CCDC73: variants seen among roughly 807,000 people sequenced by gnomAD.
CCDC73 encodes coiled-coil domain containing 73.
A neutral mutation model predicts 116.5 loss-of-function variants in CCDC73; 95 were observed. That is an observed-to-expected ratio of 0.82 (90% CI 0.69 to 0.97). CCDC73 has a LOEUF of 0.97. Ranked by LOEUF, CCDC73 falls within the 50% of genes least tolerant of loss-of-function variation. CCDC73 has a pLI of 0.00. For missense variants in CCDC73, 1,066 were observed against 1,206.8 expected, an observed-to-expected ratio of 0.88 and a Z score of 1.73; for synonymous variants, 398 against 401.3, an observed-to-expected ratio of 0.99 and a Z score of 0.10.
intron 2 of CCDC73, among the ~76,000 whole-genome samples, chr11:32,718,849 T>C (rs1325402867): frequency 6.6e-6 from 1 of 152,104 alleles, no homozygotes; most frequent in Non-Finnish European, 1.5e-5. Flanking sequence ...AGTTCTTTCA[T>C]TGTGGGAGGG....
chr11:32,722,555 G>A (rs906833098), intron 2 of CCDC73, among the ~76,000 whole-genome samples: 2 of 152,098 alleles, frequency 1.3e-5, no homozygotes, highest in African/African-American at 4.8e-5. Flanking sequence ...ACATAAATGA[G>A]GAGAGATTAC....
intron 9 of CCDC73, among the ~76,000 whole-genome samples, chr11:32,672,339 C>T (rs528814325): frequency 4.0e-5 from 6 of 151,404 alleles, no homozygotes; most frequent in East Asian, 1.9e-4. Flanking sequence ...AAGACTCTGT[C>T]GAAAGAAAAA....
chr11:32,640,160 G>A (rs941086957), intron 13 of CCDC73, among the ~76,000 whole-genome samples: 22 of 152,140 alleles, frequency 1.4e-4, no homozygotes, highest in East Asian at 7.7e-4. Flanking sequence ...AACTCTTATC[G>A]AACCAAGGCA....
At chr11:32,784,883 A>ATT (rs1434633534) in intron 1 of CCDC73, among the ~76,000 whole-genome samples, 3 of 152,194 alleles carry the variant, frequency 2.0e-5, no homozygotes, top group Admixed American at 6.5e-5. Flanking sequence ...ATAATGATAG[A>ATT]ACAGAACAGG....
At chr11:32,821,145 T>C in the CCDC73 span, among the ~76,000 whole-genome samples, 1 of 152,228 alleles carries the variant, frequency 6.6e-6, no homozygotes, top group African/African-American at 2.4e-5. Context: ...GGAGAAGATA[T>C]TATCCACACA....
At chr11:32,791,457 C>T (rs1261616483) in intron 1 of CCDC73, among the ~76,000 whole-genome samples, 1 of 152,186 alleles carries the variant, frequency 6.6e-6, no homozygotes, top group Non-Finnish European at 1.5e-5. Context: ...TTGTTGGAGC[C>T]TGTTTAACTT....
chr11:32,644,555 A>C (rs1401087910), intron 12 of CCDC73, among the ~76,000 whole-genome samples: 1 of 152,236 alleles, frequency 6.6e-6, no homozygotes, highest in Non-Finnish European at 1.5e-5. Flanking sequence ...GTATATTCAC[A>C]ATGTTGTACA....
chr11:32,779,597 G>A (rs4756244), intron 1 of CCDC73, among the ~76,000 whole-genome samples: 87,435 of 151,900 alleles, frequency 0.58, 25,476 homozygotes, highest in East Asian at 0.84. Flanking sequence ...ACCAAGAAAA[G>A]GAGAGTTTGT....
chr11:32,800,448 T>C, the CCDC73 span, among the ~76,000 whole-genome samples: 2 of 152,246 alleles, frequency 1.3e-5, no homozygotes, highest in East Asian at 1.9e-4. Flanking sequence ...TTATTCTTAT[T>C]ATAAAATTGA....
intron 2 of CCDC73, among the ~76,000 whole-genome samples, chr11:32,744,436 G>A (rs1301340844): frequency 2.6e-5 from 4 of 152,066 alleles, no homozygotes; most frequent in Non-Finnish European, 4.4e-5. Context: ...ATGATTTAGG[G>A]AGGATTCCTT....
upstream of CCDC73, among the ~76,000 whole-genome samples, chr11:32,797,510 G>A (rs1850735193): frequency 6.6e-6 from 1 of 152,062 alleles, no homozygotes; most frequent in African/African-American, 2.4e-5. Context: ...TCCCCTCTTT[G>A]AAATTTCATC....
intron 3 of CCDC73, among the ~76,000 whole-genome samples, chr11:32,714,205 T>A (rs1849924909): frequency 6.6e-6 from 1 of 152,082 alleles, no homozygotes; most frequent in Non-Finnish European, 1.5e-5. Context: ...GCACACTGTA[T>A]CTGACACTCT....
At chr11:32,622,982 A>ATTTTT (rs1276454244) in intron 14 of CCDC73, among the ~76,000 whole-genome samples, 2 of 149,482 alleles carry the variant, frequency 1.3e-5, no homozygotes, top group Non-Finnish European at 3.0e-5. Flanking sequence ...TGTAATGTCC[A>ATTTTT]TTTTATTTTA....
chr11:32,611,109 G>C, intron 17 of CCDC73, 23 bp downstream of exon 17: 4 of 1,612,256 alleles, frequency 2.5e-6, no homozygotes, highest in Non-Finnish European at 3.4e-6. Flanking sequence ...AGGTCTGCTC[G>C]GCAATATTTT....
chr11:32,648,356 A>G (rs1381930071), intron 12 of CCDC73, among the ~76,000 whole-genome samples: 1 of 152,132 alleles, frequency 6.6e-6, no homozygotes, highest in Admixed American at 6.5e-5. Flanking sequence ...AGTTTCAAAA[A>G]TATGTAATGT....
intron 1 of CCDC73, among the ~76,000 whole-genome samples, chr11:32,764,592 C>T (rs1218569784): frequency 6.6e-6 from 1 of 152,130 alleles, no homozygotes; most frequent in Admixed American, 6.6e-5. Flanking sequence ...CAGGCCTGCC[C>T]TACAAAAGCT....
intron 3 of CCDC73, among the ~76,000 whole-genome samples, chr11:32,715,916 T>C (rs1211071725): frequency 2.0e-5 from 3 of 152,080 alleles, no homozygotes; most frequent in Non-Finnish European, 2.9e-5. Context: ...TGTTGCCACA[T>C]TCACAATCCT....
intron 4 of CCDC73, among the ~76,000 whole-genome samples, chr11:32,701,513 C>A (rs535251719): frequency 6.6e-6 from 1 of 152,068 alleles, no homozygotes; most frequent in African/African-American, 2.4e-5. Context: ...CCAGCCTGGG[C>A]AATGTAGTAA....
intron 12 of CCDC73, among the ~76,000 whole-genome samples, chr11:32,648,919 T>TTAGGATA (rs1196604089): frequency 6.6e-6 from 1 of 152,142 alleles, no homozygotes; most frequent in Non-Finnish European, 1.5e-5. Flanking sequence ...GTATATTCTA[T>TTAGGATA]TAGGAAATTA....
Sources: gnomAD v4.1 joint callset for allele counts (sites outside exome capture counted in the v4.1 genomes callset) on GRCh38, gnomAD v4.1.1 for gene constraint, MANE v1.5 for transcripts, NCBI Gene and HGNC (gene_info 2026-07-23, HGNC 2026-07-21) for gene names.